The following SOX6 variants were observed in gnomAD, a reference collection of about 807,000 sequenced individuals.
SOX6 encodes SRY-box transcription factor 6, also known as transcription factor SOX-6.
SOX6 carries 11 observed loss-of-function variants against 97.8 expected under a neutral mutation model. The ratio of observed to expected loss-of-function variants is 0.11; its 90% CI spans 0.07 to 0.19. The LOEUF is 0.19. Ranked by LOEUF, SOX6 falls within the 10% of genes least tolerant of loss-of-function variation. The probability of loss-of-function intolerance (pLI) is 1.00; values close to 1 mark genes in which losing one functional copy is unlikely to be tolerated. For synonymous variants in SOX6, 360 were observed against 371.4 expected (o/e 0.97, Z 0.35); for missense variants, 810 against 1,039.5 (o/e 0.78, Z 3.04).
intron 3 of SOX6, among the ~76,000 whole-genome samples, chr11:16,680,417 T>G (rs1487825302): frequency 6.6e-6 from 1 of 152,182 alleles, no homozygotes; most frequent in African/African-American, 2.4e-5. Flanking sequence ...CTGAGAGATT[T>G]TGTAACCATC....
chr11:16,409,411 C>T (rs1240887383), intron 1 of SOX6, among the ~76,000 whole-genome samples: 1 of 151,886 alleles, frequency 6.6e-6, no homozygotes, highest in Admixed American at 6.6e-5. Flanking sequence ...AAATTGATTG[C>T]AAATGCCTCT....
intron 13 of SOX6, among the ~76,000 whole-genome samples, chr11:15,997,453 C>A (rs1481433545): frequency 6.6e-6 from 1 of 152,038 alleles, no homozygotes; most frequent in Non-Finnish European, 1.5e-5. Flanking sequence ...TTGAATCCAG[C>A]CAAATGTAAA....
intron 1 of SOX6, among the ~76,000 whole-genome samples, chr11:16,396,888 T>A (rs947487372): frequency 1.3e-4 from 20 of 151,566 alleles, no homozygotes; most frequent in Admixed American, 1.2e-3. Flanking sequence ...CATTTCTCTT[T>A]CCTTGCAATT....
intron 4 of SOX6, among the ~76,000 whole-genome samples, chr11:16,555,168 T>C (rs997437579): frequency 6.6e-6 from 1 of 151,810 alleles, no homozygotes; most frequent in Non-Finnish European, 1.5e-5. Context: ...AAACAGAATC[T>C]GTGGCCTCAA....
chr11:16,036,229 G>A (rs755491721), intron 12 of SOX6, among the ~76,000 whole-genome samples: 20 of 152,082 alleles, frequency 1.3e-4, no homozygotes, highest in African/African-American at 2.4e-4. Flanking sequence ...ACAGGCATGC[G>A]CCACTAGGCC....
intron 15 of SOX6, among the ~76,000 whole-genome samples, chr11:15,977,110 C>A (rs538180456): frequency 1.3e-5 from 2 of 152,056 alleles, no homozygotes; most frequent in African/African-American, 4.8e-5. Context: ...TTTATCTACC[C>A]CCTGCCTGAT....
At chr11:16,048,965 T>C (rs1332927083) in intron 11 of SOX6, among the ~76,000 whole-genome samples, 3 of 152,188 alleles carry the variant, frequency 2.0e-5, no homozygotes, top group African/African-American at 4.8e-5. Flanking sequence ...GTACATGTAT[T>C]GATAATCATT....
intron 1 of SOX6, among the ~76,000 whole-genome samples, chr11:16,447,769 T>C (rs1412008500): frequency 6.6e-6 from 1 of 152,128 alleles, no homozygotes; most frequent in Admixed American, 6.5e-5. Flanking sequence ...TTTCAAACTG[T>C]GTGTTGAATG....
At chr11:15,987,046 C>G (rs1374023796) in intron 14 of SOX6, among the ~76,000 whole-genome samples, 1 of 152,000 alleles carries the variant, frequency 6.6e-6, no homozygotes, top group Non-Finnish European at 1.5e-5. Context: ...CAAAGCTGTA[C>G]CAATAAAAGT....
intron 2 of SOX6, among the ~76,000 whole-genome samples, chr11:16,718,788 A>G (rs759459421): frequency 3.3e-5 from 5 of 152,122 alleles, no homozygotes; most frequent in Non-Finnish European, 7.4e-5. Context: ...TTTTAAAAAT[A>G]AATGCTGTTT....
chr11:16,000,715 A>AGTGT (rs59042959), intron 13 of SOX6, among the ~76,000 whole-genome samples: 12,004 of 151,726 alleles, frequency 0.079, 969 homozygotes, highest in East Asian at 0.35. Context: ...AGAGGATGAC[A>AGTGT]GTGTGTGTGT....
chr11:16,078,033 T>C (rs563905744), intron 9 of SOX6, among the ~76,000 whole-genome samples: 1 of 152,208 alleles, frequency 6.6e-6, no homozygotes, highest in African/African-American at 2.4e-5. Flanking sequence ...TGTTAACATA[T>C]AATGCCTTAT....
rs79937450 is a variant in SOX6 at position 16,548,340 on chromosome 11, A to G, written n.609+63741T>C. Among the ~76,000 whole-genome samples, 519 of 152,298 alleles carry G rather than the reference A, an allele frequency of 3.4e-3. 15 individuals carry two copies. The East Asian group carries it at 0.052, about 15-fold the overall frequency. Reference sequence around the variant, plus strand: ...ATTTATCAAAAGAATGAAGAGTGTTAGAAATGGTAACTATAAGGGAAACTC... The same window carrying G: ...ATTTATCAAAAGAATGAAGAGTGTTGGAAATGGTAACTATAAGGGAAACTC... On this transcript the variant is annotated intron_variant and non_coding_transcript_variant, in intron 4 of 5. Transcript: ENST00000524520.
chr11:16,472,816 AT>A lies in SOX6; in HGVS notation c.-5+3498del, dbSNP rs200007865. Among the ~76,000 whole-genome samples, 224 of 152,250 alleles carry A rather than the reference AT, an allele frequency of 1.5e-3. 2 individuals carry two copies. Among genetic ancestry groups the A allele is most frequent in the African/African-American group, 5.3e-3 (221 of 41,584 alleles). On this transcript the variant is annotated intron_variant, in intron 1 of 15. Transcript: ENST00000396356. ...TAATTTATAACATTACTTATTTCAA[AT>A]AATTTCCTAGAAGTATATTCTTTAA...
chr11:16,698,290 T>C lies in SOX6; in HGVS notation n.429+16540A>G, dbSNP rs141614735. Among the ~76,000 whole-genome samples, 151 of 152,310 alleles carry C rather than the reference T, an allele frequency of 9.9e-4. 1 individual carries two copies. Among genetic ancestry groups the C allele is most frequent in the African/African-American group, 3.5e-3 (144 of 41,568 alleles). The stretch of plus-strand genomic sequence containing the variant: ...TGCACTTTTATGTTATAGAGACAGC[T>C]ACTTTCCTTAAACCTCATGAACCAA... On this transcript the variant is annotated intron_variant and non_coding_transcript_variant, in intron 3 of 5. Transcript: ENST00000524520.
At position 16,491,119 on chromosome 11, in the gene SOX6, T is replaced by C. The variant is rs180951559; in HGVS notation, n.610-14731A>G. Among the ~76,000 whole-genome samples, 9 of 152,228 alleles carry C rather than the reference T, an allele frequency of 5.9e-5. No individual in the cohort carries two copies. In the East Asian group the frequency reaches 1.7e-3, roughly 29 times the overall value. ...TTGTCAGAATTTGTAGATGATATGA[T>C]TATATAGAAAGAAAATTCAAAAGAA... On this transcript the variant is annotated intron_variant and non_coding_transcript_variant, in intron 4 of 5. Coordinates refer to the SOX6 transcript ENST00000524520.
intron 3 of SOX6, among the ~76,000 whole-genome samples, chr11:16,304,964 T>A (rs1483877133): frequency 6.6e-6 from 1 of 151,870 alleles, no homozygotes; most frequent in East Asian, 1.9e-4. Context: ...AAACTACACA[T>A]CTTTCAGAAA....
chr11:16,128,103 C>G (rs1345855871), intron 6 of SOX6, among the ~76,000 whole-genome samples: 1 of 152,116 alleles, frequency 6.6e-6, no homozygotes, highest in Non-Finnish European at 1.5e-5. Flanking sequence ...AAAACTACAT[C>G]CTAGAAAAGC....
chr11:16,256,320 G>C (rs1448476625), intron 3 of SOX6, among the ~76,000 whole-genome samples: 1 of 151,804 alleles, frequency 6.6e-6, no homozygotes, highest in African/African-American at 2.4e-5. Flanking sequence ...TTAGCTAATT[G>C]AATCAAATAA....
Sources: gnomAD v4.1 joint callset for allele counts (sites outside exome capture counted in the v4.1 genomes callset) on GRCh38, gnomAD v4.1.1 for gene constraint, MANE v1.5 for transcripts, NCBI Gene and HGNC (gene_info 2026-07-23, HGNC 2026-07-21) for gene names.